Variants in GHR observed in about 807,000 individuals in gnomAD.
The protein encoded by GHR is growth hormone receptor.
Under a neutral mutation model 67.1 loss-of-function variants are expected in GHR, and 35 were observed. That is an observed-to-expected ratio of 0.52 (90% CI 0.40 to 0.69). GHR has a LOEUF of 0.69. Ranked by LOEUF, GHR falls within the 30% of genes least tolerant of loss-of-function variation. The pLI is 0.00. For missense variants in GHR, 792 were observed against 764.6 expected (o/e 1.04, Z -0.42); for synonymous variants, 272 against 269.1 (o/e 1.01, Z -0.10).
chr5:42,588,427 G>A (rs10941581), intron 2 of GHR, among the ~76,000 whole-genome samples: 13,620 of 149,504 alleles, frequency 0.091, 913 homozygotes, highest in African/African-American at 0.18. Context: ...GACTGAAGCA[G>A]GAGAATCGCT....
intron 1 of GHR, among the ~76,000 whole-genome samples, chr5:42,507,751 G>A (rs1045917408): frequency 6.6e-6 from 1 of 152,226 alleles, no homozygotes; most frequent in African/African-American, 2.4e-5. Context: ...TGAGAGGGCC[G>A]GAGCCATGGA....
chr5:42,577,540 T>A (rs1750820963), intron 2 of GHR, among the ~76,000 whole-genome samples: 1 of 152,206 alleles, frequency 6.6e-6, no homozygotes, highest in African/African-American at 2.4e-5. Flanking sequence ...TTCCCCACAT[T>A]CATGTACCAT....
intron 3 of GHR, among the ~76,000 whole-genome samples, chr5:42,661,380 AGCCCATCAG>A (rs1287854780): frequency 6.6e-6 from 1 of 152,248 alleles, no homozygotes; most frequent in African/African-American, 2.4e-5. Context: ...CAGAAAGGGA[AGCCCATCAG>A]TCTAACAGCT....
At chr5:42,433,535 C>T (rs1743187028) in intron 1 of GHR, among the ~76,000 whole-genome samples, 1 of 151,870 alleles carries the variant, frequency 6.6e-6, no homozygotes, top group Admixed American at 6.6e-5. Flanking sequence ...AGCATTCAAG[C>T]TAGAAGGCAA....
At chr5:42,565,754 G>A in intron 1 of GHR, 110 bp from the exon 2 acceptor site, 1 of 1,595,944 alleles carries the variant, frequency 6.3e-7, no homozygotes, top group East Asian at 2.3e-5. Flanking sequence ...GATTCCTTCT[G>A]GAACTGACTC....
intron 3 of GHR, among the ~76,000 whole-genome samples, chr5:42,636,209 CAAA>C (rs11373491): frequency 1.2e-5 from 1 of 81,944 alleles, no homozygotes. Context: ...GACCCCGTTT[CAAA>C]AAAAAAAAAA....
chr5:42,582,390 T>C (rs180890903), intron 2 of GHR, among the ~76,000 whole-genome samples: 1 of 152,312 alleles, frequency 6.6e-6, no homozygotes, highest in Admixed American at 6.5e-5. Context: ...CTTCCTCCCT[T>C]CTGATCTCAT....
At chr5:42,640,782 GTA>G (rs1453821183) in intron 3 of GHR, among the ~76,000 whole-genome samples, 5 of 151,924 alleles carry the variant, frequency 3.3e-5, no homozygotes, top group African/African-American at 7.3e-5. Flanking sequence ...GTGTGTGTGT[GTA>G]TCTTTTAATT....
intron 1 of GHR, among the ~76,000 whole-genome samples, chr5:42,507,752 G>A (rs1205746899): frequency 6.6e-6 from 1 of 152,268 alleles, no homozygotes; most frequent in Admixed American, 6.5e-5. Context: ...GAGAGGGCCG[G>A]AGCCATGGAG....
intron 1 of GHR, among the ~76,000 whole-genome samples, chr5:42,426,762 G>A (rs999977305): frequency 2.6e-5 from 4 of 152,026 alleles, no homozygotes; most frequent in African/African-American, 9.7e-5. Context: ...TGTCTTTCTG[G>A]CAAGTAATTT....
chr5:42,504,217 G>A (rs563530021), intron 1 of GHR, among the ~76,000 whole-genome samples: 136 of 152,250 alleles, frequency 8.9e-4, no homozygotes, highest in African/African-American at 3.2e-3. Context: ...TTTGGGTTGG[G>A]AAGTGATATG....
At chr5:42,711,101 C>A in intron 6 of GHR, 106 bp from the exon 7 acceptor site, 2 of 846,392 alleles carry the variant, frequency 2.4e-6, no homozygotes, top group Non-Finnish European at 4.1e-6. Context: ...ATATTACCTA[C>A]TTTATAAAAA....
intron 1 of GHR, among the ~76,000 whole-genome samples, chr5:42,557,584 T>A (rs925010585): frequency 1.3e-5 from 2 of 152,156 alleles, no homozygotes; most frequent in Non-Finnish European, 1.5e-5. Context: ...AATCTTATCA[T>A]ATGAATATTA....
chr5:42,609,434 G>T (rs1580050143), intron 2 of GHR, among the ~76,000 whole-genome samples: 1 of 152,098 alleles, frequency 6.6e-6, no homozygotes, highest in Non-Finnish European at 1.5e-5. Flanking sequence ...TTATATGAAT[G>T]ATCATTTTTC....
chr5:42,481,162 G>C (rs973588969), intron 1 of GHR, among the ~76,000 whole-genome samples: 4 of 152,054 alleles, frequency 2.6e-5, no homozygotes, highest in Admixed American at 1.3e-4. Flanking sequence ...AGTTTGGCTG[G>C]ATATGAAATT....
intron 1 of GHR, among the ~76,000 whole-genome samples, chr5:42,557,171 A>T (rs1195891049): frequency 6.6e-6 from 1 of 152,198 alleles, no homozygotes; most frequent in African/African-American, 2.4e-5. Flanking sequence ...ACTATAGAAG[A>T]TGTACAATTG....
chr5:42,601,100 T>A (rs575793273), intron 2 of GHR, among the ~76,000 whole-genome samples: 1 of 151,912 alleles, frequency 6.6e-6, no homozygotes, highest in Non-Finnish European at 1.5e-5. Flanking sequence ...CTAATTTTTG[T>A]GTTTTTAGTA....
intron 3 of GHR, among the ~76,000 whole-genome samples, chr5:42,639,646 A>G (rs1464297764): frequency 2.6e-5 from 4 of 152,228 alleles, no homozygotes; most frequent in African/African-American, 9.7e-5. Context: ...TTATCCTCAG[A>G]GAAATGGAGA....
At chr5:42,643,848 G>A (rs1754599283) in intron 3 of GHR, among the ~76,000 whole-genome samples, 1 of 151,880 alleles carries the variant, frequency 6.6e-6, no homozygotes, top group Non-Finnish European at 1.5e-5. Context: ...GAAGTTCACA[G>A]TGGTATTTTT....
Sources: gnomAD v4.1 joint callset for allele counts (sites outside exome capture counted in the v4.1 genomes callset) on GRCh38, gnomAD v4.1.1 for gene constraint, MANE v1.5 for transcripts, NCBI Gene and HGNC (gene_info 2026-07-23, HGNC 2026-07-21) for gene names.